RNF130: variants seen among roughly 807,000 people sequenced by gnomAD.
RNF130 encodes the protein ring finger protein 130.
RNF130 carries 21 observed loss-of-function variants against 44.6 expected under a neutral mutation model. The ratio of observed to expected loss-of-function variants is 0.47; its 90% CI spans 0.33 to 0.68. The LOEUF (loss-of-function observed/expected upper bound fraction) is 0.68, where lower values mean the gene tolerates loss of function less well. RNF130 is among the 30% of genes least tolerant of loss of function. The pLI is 0.02. For missense variants in RNF130, 479 were observed against 560.6 expected (o/e 0.85, Z 1.47); for synonymous variants, 214 against 210.4 (o/e 1.02, Z -0.15).
chr5:180,061,301 G>A (rs1327597360), intron 1 of RNF130, among the ~76,000 whole-genome samples: 1 of 152,130 alleles, frequency 6.6e-6, no homozygotes. Flanking sequence ...CGTGACTTCA[G>A]GCACATCCAG....
intron 1 of RNF130, among the ~76,000 whole-genome samples, chr5:180,043,949 G>A (rs1582215314): frequency 6.6e-6 from 1 of 152,168 alleles, no homozygotes; most frequent in Non-Finnish European, 1.5e-5. Context: ...TAATACTGTA[G>A]TATACTCATT....
intron 2 of RNF130, among the ~76,000 whole-genome samples, chr5:180,038,255 A>G (rs894884618): frequency 2.6e-5 from 4 of 151,454 alleles, no homozygotes; most frequent in Admixed American, 6.6e-5. Flanking sequence ...GGGTCTCCCT[A>G]TGTTGCCCAG....
chr5:179,922,590 C>T (rs974603968), intron 7 of RNF130, among the ~76,000 whole-genome samples: 3 of 151,686 alleles, frequency 2.0e-5, no homozygotes, highest in African/African-American at 7.3e-5. Context: ...ATTATAGGCA[C>T]AAACCACCAC....
intron 1 of RNF130, among the ~76,000 whole-genome samples, chr5:180,042,736 C>T (rs1764455402): frequency 6.6e-6 from 1 of 152,158 alleles, no homozygotes; most frequent in Admixed American, 6.5e-5. Flanking sequence ...AACGCAAAAT[C>T]AAGAATATCT....
At chr5:179,956,990 A>G (rs532756598) in intron 8 of RNF130, among the ~76,000 whole-genome samples, 2 of 152,370 alleles carry the variant, frequency 1.3e-5, no homozygotes, top group East Asian at 3.9e-4. Flanking sequence ...TCTGTACCTT[A>G]TTATTTCTTG....
intron 8 of RNF130, among the ~76,000 whole-genome samples, chr5:179,962,546 C>T (rs1318354288): frequency 6.6e-6 from 1 of 152,166 alleles, no homozygotes; most frequent in Non-Finnish European, 1.5e-5. Flanking sequence ...TTGCTTTCAT[C>T]TCTAATTAGT....
chr5:180,057,406 G>A (rs546486606), intron 1 of RNF130, among the ~76,000 whole-genome samples: 23 of 152,202 alleles, frequency 1.5e-4, no homozygotes, highest in South Asian at 1.2e-3. Flanking sequence ...AAAACTATCC[G>A]GGCATGGTGG....
chr5:179,971,536 A>G (rs528371747), intron 5 of RNF130, among the ~76,000 whole-genome samples: 1 of 151,968 alleles, frequency 6.6e-6, no homozygotes, highest in East Asian at 1.9e-4. Flanking sequence ...CGCCCAGCCA[A>G]TTTTTTGTAT....
chr5:179,933,117 G>C (rs1010715859), intron 7 of RNF130, among the ~76,000 whole-genome samples: 1 of 152,180 alleles, frequency 6.6e-6, no homozygotes, highest in Non-Finnish European at 1.5e-5. Flanking sequence ...AAGATCCACA[G>C]AAGGACTTGG....
At position 180,040,645 on chromosome 5, in the gene RNF130, C is replaced by A; in HGVS notation, c.250G>T (p.Ala84Ser). Residue 84 changes from alanine (A) to serine (S), a missense_variant and splice_region_variant, in exon 2 of 9, where the codon GCT becomes TCT. Ala to Ser is a moderately conservative substitution (Grantham distance 99). Coordinates refer to ENST00000521389, the MANE Select transcript of RNF130 (RefSeq NM_018434.6). ...TGTGGATCACAGCCCAGATGATCAG[C>A]AACTGAAAAGAAAAAGAAATACACA... ...VLAPLPLHGVADHLGCDPQTR... is the reference protein window; with the variant it reads ...VLAPLPLHGVSDHLGCDPQTR... The A allele has an allele frequency of 6.2e-7, 1 of 1,608,506 alleles. No individual in the cohort carries two copies. The highest frequency in any genetic ancestry group is 1.7e-5 in the Admixed American group (1 of 58,694).
At chr5:180,060,063 G>C (rs1279536306) in intron 1 of RNF130, among the ~76,000 whole-genome samples, 2 of 152,168 alleles carry the variant, frequency 1.3e-5, no homozygotes, top group African/African-American at 4.8e-5. Context: ...TTGAAGATGG[G>C]GGAAGGGGCC....
At chr5:180,002,266 C>G (rs1358795153) in intron 3 of RNF130, among the ~76,000 whole-genome samples, 2 of 152,232 alleles carry the variant, frequency 1.3e-5, no homozygotes, top group African/African-American at 4.8e-5. Context: ...TCCAAAGCAG[C>G]TGGGGGAAGA....
At chr5:179,971,756 T>C (rs1762591811) in intron 5 of RNF130, among the ~76,000 whole-genome samples, 1 of 152,240 alleles carries the variant, frequency 6.6e-6, no homozygotes, top group Non-Finnish European at 1.5e-5. Flanking sequence ...AAGTTAATGT[T>C]ATTTACAGCT....
At chr5:179,928,506 T>C (rs999787694) in intron 7 of RNF130, among the ~76,000 whole-genome samples, 1 of 152,222 alleles carries the variant, frequency 6.6e-6, no homozygotes, top group Admixed American at 6.5e-5. Context: ...AATGTCTCTT[T>C]GTTTCTTTTG....
rs753630722 is a variant in RNF130, at chr5:179,963,460, T to G, written c.1244+11A>C. The G allele has an allele frequency of 6.2e-7, 1 of 1,606,918 alleles. No homozygotes were observed. Among genetic ancestry groups the G allele is most frequent in the Non-Finnish European group, 8.5e-7 (1 of 1,174,090 alleles). ...CTGGCACATGCAATCCAAAAACAATTTGTTACTTACTCATTAGCATTCAAG... is the reference window on the plus strand; with the variant it reads ...CTGGCACATGCAATCCAAAAACAATGTGTTACTTACTCATTAGCATTCAAG... On this transcript the variant is annotated intron_variant, in intron 8 of 8. Transcript: ENST00000521389.
At chr5:179,952,507 A>G (rs975302384), downstream of RNF130, among the ~76,000 whole-genome samples, 4 of 152,232 alleles carry the variant, frequency 2.6e-5, no homozygotes, top group African/African-American at 9.6e-5. Context: ...ATATGATGCC[A>G]GCATTACAAT....
At chr5:180,055,440 T>TC (rs57927481) in intron 1 of RNF130, among the ~76,000 whole-genome samples, 20,225 of 150,402 alleles carry the variant, frequency 0.13, 1,455 homozygotes, top group East Asian at 0.28. Context: ...TCAGATGACT[T>TC]TGTGTGTGTG....
chr5:179,947,128 A>G (rs996126334), intron 7 of RNF130, among the ~76,000 whole-genome samples: 1 of 152,156 alleles, frequency 6.6e-6, no homozygotes, highest in Non-Finnish European at 1.5e-5. Flanking sequence ...CTCATCACTG[A>G]CACAACTGTC....
chr5:179,975,484 C>T (rs1762698378), intron 5 of RNF130, among the ~76,000 whole-genome samples: 1 of 152,232 alleles, frequency 6.6e-6, no homozygotes, highest in South Asian at 2.1e-4. Flanking sequence ...AGCTTAAAGA[C>T]TGTCACAAGT....
Sources: gnomAD v4.1 joint callset for allele counts (sites outside exome capture counted in the v4.1 genomes callset) on GRCh38, gnomAD v4.1.1 for gene constraint, MANE v1.5 for transcripts, NCBI Gene and HGNC (gene_info 2026-07-23, HGNC 2026-07-21) for gene names.